RBFOX1: variants seen among roughly 807,000 people sequenced by gnomAD.
RBFOX1 encodes RNA binding fox-1 homolog 1, also known as RNA binding protein fox-1 homolog 1.
Under a neutral mutation model 57.7 loss-of-function variants are expected in RBFOX1, and 8 were observed. That is an observed-to-expected ratio of 0.14 (90% confidence interval 0.08 to 0.25). The LOEUF is 0.25. Among genes scored for constraint, RBFOX1 ranks in the 10% least tolerant of loss-of-function variants. The pLI, the probability that RBFOX1 is intolerant of heterozygous loss-of-function variation, is 1.00. For synonymous variants in RBFOX1, 326 were observed against 222.4 expected (o/e 1.47, Z -4.15); for missense variants, 611 against 548.5 (o/e 1.11, Z -1.14).
At chr16:6,625,157 T>TTA (rs1555624961) in intron 2 of RBFOX1, among the ~76,000 whole-genome samples, 2 of 56,326 alleles carry the variant, frequency 3.6e-5, no homozygotes, top group Non-Finnish European at 5.9e-5. Context: ...CAACCCTATC[T>TTA]AAAAAAAAAA....
At position 6,617,195 on chromosome 16, in the gene RBFOX1, A is replaced by G. The variant is rs138472722; in HGVS notation, c.-63-37408A>G. Among the ~76,000 whole-genome samples, 890 of 151,988 alleles carry G rather than the reference A, an allele frequency of 5.9e-3. 9 individuals carry two copies. The highest frequency in any genetic ancestry group is 8.4e-3 in the Non-Finnish European group (570 of 67,986). On this transcript the variant is annotated intron_variant, in intron 2 of 15. Transcript: ENST00000550418. ...ACTTGTCCACCTTGATCTCATCTGTATAGGGTTCAGTGAAACTTCTGCTTG... is the reference window on the plus strand; with the variant it reads ...ACTTGTCCACCTTGATCTCATCTGTGTAGGGTTCAGTGAAACTTCTGCTTG...
At chr16:5,285,496 C>A (rs979217172) in intron 1 of RBFOX1, among the ~76,000 whole-genome samples, 2 of 152,108 alleles carry the variant, frequency 1.3e-5, no homozygotes, top group East Asian at 1.9e-4. Context: ...AATTATTGTG[C>A]TTCTTTGGAG....
At chr16:6,871,075 G>C (rs977803839) in intron 3 of RBFOX1, among the ~76,000 whole-genome samples, 1 of 152,222 alleles carries the variant, frequency 6.6e-6, no homozygotes, top group African/African-American at 2.4e-5. Flanking sequence ...CTTAGGAATG[G>C]ACAAGATGAC....
At chr16:6,073,896 T>C (rs577668183) in intron 1 of RBFOX1, among the ~76,000 whole-genome samples, 3 of 152,204 alleles carry the variant, frequency 2.0e-5, no homozygotes, top group African/African-American at 7.2e-5. Flanking sequence ...TGTTACACTA[T>C]GGGTACTGGC....
intron 3 of RBFOX1, among the ~76,000 whole-genome samples, chr16:6,907,449 C>A (rs779429605): frequency 7.2e-5 from 11 of 152,136 alleles, no homozygotes; most frequent in Admixed American, 2.0e-4. Flanking sequence ...AGGAATTGAT[C>A]GTCTTGTGTT....
chr16:7,048,672 A>G (rs1305714823), intron 3 of RBFOX1, among the ~76,000 whole-genome samples: 1 of 152,066 alleles, frequency 6.6e-6, no homozygotes, highest in Non-Finnish European at 1.5e-5. Flanking sequence ...CAGCTGCTTT[A>G]AAGTTTTTAT....
At chr16:6,960,149 T>C (rs1332017602) in intron 3 of RBFOX1, among the ~76,000 whole-genome samples, 3 of 152,092 alleles carry the variant, frequency 2.0e-5, no homozygotes, top group Non-Finnish European at 4.4e-5. Context: ...ATAAGTTTTT[T>C]GGGTTTCTAA....
chr16:5,549,713 C>T (rs759553082), intron 2 of RBFOX1, among the ~76,000 whole-genome samples: 3 of 152,120 alleles, frequency 2.0e-5, no homozygotes, highest in African/African-American at 4.8e-5. Context: ...GTTTTACATA[C>T]ATTAAGTGGT....
chr16:7,211,841 G>C (rs993737296), intron 4 of RBFOX1, among the ~76,000 whole-genome samples: 1 of 152,130 alleles, frequency 6.6e-6, no homozygotes, highest in African/African-American at 2.4e-5. Context: ...CTTAGCACGA[G>C]GTGGTTGCAG....
At chr16:6,082,996 G>GTGTT (rs753284977) in intron 1 of RBFOX1, among the ~76,000 whole-genome samples, 1,359 of 111,760 alleles carry the variant, frequency 0.012, 16 homozygotes, top group African/African-American at 0.034. Context: ...TTTTGTTTGT[G>GTGTT]TGTTTGTTTG....
At chr16:6,807,821 A>T (rs1473286207) in intron 3 of RBFOX1, among the ~76,000 whole-genome samples, 3 of 151,958 alleles carry the variant, frequency 2.0e-5, no homozygotes, top group Admixed American at 6.6e-5. Context: ...TCTCAAAAAA[A>T]GATGCTTATT....
At chr16:5,760,585 A>G (rs1266831077) in intron 3 of RBFOX1, among the ~76,000 whole-genome samples, 1 of 152,220 alleles carries the variant, frequency 6.6e-6, no homozygotes, top group Non-Finnish European at 1.5e-5. Context: ...TAGAAAAGAA[A>G]GAAGTACTGG....
intron 4 of RBFOX1, among the ~76,000 whole-genome samples, chr16:5,914,622 C>T (rs560931232): frequency 5.9e-5 from 9 of 152,228 alleles, no homozygotes; most frequent in South Asian, 2.1e-4. Flanking sequence ...AGAGGCCGGG[C>T]GAGGTGGCTC....
intron 2 of RBFOX1, among the ~76,000 whole-genome samples, chr16:6,614,103 G>A (rs1440828519): frequency 6.6e-6 from 1 of 152,112 alleles, no homozygotes; most frequent in African/African-American, 2.4e-5. Flanking sequence ...ATAACGAATA[G>A]GTAATATTTT....
chr16:7,696,792 C>T (rs1432385560), intron 14 of RBFOX1, among the ~76,000 whole-genome samples: 1 of 152,128 alleles, frequency 6.6e-6, no homozygotes, highest in Non-Finnish European at 1.5e-5. Context: ...ATTTTAGACT[C>T]AGCCATCAGA....
At chr16:6,379,825 A>G (rs965229527) in intron 2 of RBFOX1, among the ~76,000 whole-genome samples, 1 of 152,116 alleles carries the variant, frequency 6.6e-6, no homozygotes, top group Admixed American at 6.6e-5. Flanking sequence ...GAAGGGGGAT[A>G]TGTTAGAGGA....
chr16:5,674,253 A>G (rs2050101303), intron 3 of RBFOX1, among the ~76,000 whole-genome samples: 1 of 152,218 alleles, frequency 6.6e-6, no homozygotes, highest in Non-Finnish European at 1.5e-5. Flanking sequence ...AAGCAATTGA[A>G]TTTAACCTGA....
At chr16:6,406,915 T>C (rs986133874) in intron 2 of RBFOX1, among the ~76,000 whole-genome samples, 2 of 152,176 alleles carry the variant, frequency 1.3e-5, no homozygotes, top group Non-Finnish European at 2.9e-5. Flanking sequence ...ACTGTGTGAC[T>C]ACGGAAAAAA....
intron 2 of RBFOX1, among the ~76,000 whole-genome samples, chr16:5,484,964 C>G (rs2069674959): frequency 6.6e-6 from 1 of 151,830 alleles, no homozygotes; most frequent in Admixed American, 6.6e-5. Context: ...GAGTCTGAAG[C>G]AAGAGGATTG....
Sources: allele counts gnomAD v4.1 joint callset (sites outside exome capture counted in the v4.1 genomes callset), GRCh38; gene constraint gnomAD v4.1.1; transcripts MANE v1.5; gene names NCBI Gene and HGNC (gene_info 2026-07-23, HGNC 2026-07-21).